Variants in GRIK3 observed in about 807,000 individuals in gnomAD.
GRIK3 encodes the protein glutamate ionotropic receptor kainate type subunit 3, also known as glutamate receptor ionotropic, kainate 3.
GRIK3 carries 29 observed loss-of-function variants against 102.5 expected under a neutral mutation model. The observed-to-expected ratio is 0.28, with a 90% CI of 0.21 to 0.39. The LOEUF (loss-of-function observed/expected upper bound fraction) is 0.39, where lower values mean the gene tolerates loss of function less well. Ranked by LOEUF, GRIK3 falls within the 10% of genes least tolerant of loss-of-function variation. GRIK3 has a pLI of 1.00. For synonymous variants in GRIK3, 511 were observed against 504.9 expected (o/e 1.01, Z -0.16); for missense variants, 908 against 1,252.4 (o/e 0.73, Z 4.15).
chr1:36,881,993 A>T (rs1640984985), intron 2 of GRIK3, among the ~76,000 whole-genome samples: 1 of 140,534 alleles, frequency 7.1e-6, no homozygotes, highest in Non-Finnish European at 1.5e-5. Flanking sequence ...GAGCCTCAAG[A>T]CTCCCTCCCC....
chr1:36,851,919 A>G (rs1015035527), intron 8 of GRIK3, among the ~76,000 whole-genome samples: 1 of 152,200 alleles, frequency 6.6e-6, no homozygotes, highest in African/African-American at 2.4e-5. Flanking sequence ...TGTGCCACCT[A>G]ATTGCCCTCC....
chr1:36,967,861 C>T (rs560688930), intron 1 of GRIK3, among the ~76,000 whole-genome samples: 93 of 152,270 alleles, frequency 6.1e-4, no homozygotes, highest in African/African-American at 1.9e-3. Context: ...AACAGATCTA[C>T]GATAAATAGT....
intron 2 of GRIK3, among the ~76,000 whole-genome samples, chr1:36,884,413 G>A (rs545786493): frequency 1.3e-4 from 20 of 152,258 alleles, no homozygotes; most frequent in African/African-American, 4.8e-4. Context: ...CTGCCCATTC[G>A]TGCTATTCTT....
intron 1 of GRIK3, among the ~76,000 whole-genome samples, chr1:36,960,054 C>T (rs1641987594): frequency 8.1e-6 from 1 of 123,870 alleles, no homozygotes; most frequent in Non-Finnish European, 1.8e-5. Context: ...CCCTGTGAGC[C>T]TGTGTGCCCT....
intron 1 of GRIK3, among the ~76,000 whole-genome samples, chr1:36,909,922 C>G (rs1380152733): frequency 6.6e-6 from 1 of 152,160 alleles, no homozygotes; most frequent in African/African-American, 2.4e-5. Context: ...TAGAAACATG[C>G]CCAATGGTGG....
At chr1:36,936,002 C>T (rs894985976) in intron 1 of GRIK3, among the ~76,000 whole-genome samples, 1 of 152,174 alleles carries the variant, frequency 6.6e-6, no homozygotes, top group African/African-American at 2.4e-5. Context: ...GTCCTAGATA[C>T]TCAAGTCTCA....
intron 1 of GRIK3, among the ~76,000 whole-genome samples, chr1:36,954,294 G>A (rs1403592977): frequency 6.6e-6 from 1 of 152,194 alleles, no homozygotes; most frequent in African/African-American, 2.4e-5. Flanking sequence ...TGGAATGCTG[G>A]CCCATGATTA....
At chr1:36,915,883 G>A (rs1462016662) in intron 1 of GRIK3, among the ~76,000 whole-genome samples, 1 of 152,168 alleles carries the variant, frequency 6.6e-6, no homozygotes, top group Non-Finnish European at 1.5e-5. Context: ...CAGTAAATTG[G>A]TACTGGGAGT....
intron 1 of GRIK3, among the ~76,000 whole-genome samples, chr1:36,972,878 C>T (rs1198812967): frequency 2.0e-5 from 3 of 152,184 alleles, no homozygotes; most frequent in African/African-American, 7.2e-5. Flanking sequence ...GGCAGAACAT[C>T]TGTGTCCAGA....
At chr1:36,951,900 G>A (rs1453710235) in intron 1 of GRIK3, among the ~76,000 whole-genome samples, 1 of 152,188 alleles carries the variant, frequency 6.6e-6, no homozygotes, top group East Asian at 1.9e-4. Flanking sequence ...GTAGAGGGCA[G>A]CTGCCCCATG....
chr1:37,007,250 A>C (rs538473470), intron 1 of GRIK3, among the ~76,000 whole-genome samples: 1 of 152,332 alleles, frequency 6.6e-6, no homozygotes, highest in South Asian at 2.1e-4. Flanking sequence ...CCCATTTTGC[A>C]GGTGAGGAAA....
At chr1:36,960,756 T>C (rs1641998426) in intron 1 of GRIK3, among the ~76,000 whole-genome samples, 1 of 152,162 alleles carries the variant, frequency 6.6e-6, no homozygotes, top group Non-Finnish European at 1.5e-5. Flanking sequence ...AGAACTGCCC[T>C]CTGGGCCTAT....
chr1:36,796,879 C>T lies in GRIK3; in HGVS notation c.*4972G>A, dbSNP rs776780568. On this transcript the variant is annotated 3_prime_UTR_variant, in exon 16 of 16. Coordinates refer to ENST00000373091, the MANE Select transcript of GRIK3 (RefSeq NM_000831.4). ...CCTGCTCTTTCCCAGCCCTTCTGCTCCTGATGAATTGCCCCAGAACTAGAA... is the reference window on the plus strand; with the variant it reads ...CCTGCTCTTTCCCAGCCCTTCTGCTTCTGATGAATTGCCCCAGAACTAGAA... 2.0e-5 allele frequency: 3 copies of T among 152,318 alleles called. 1 individual carries two copies. The South Asian group carries it at 6.2e-4, about 32-fold the overall frequency. 9.4% of individuals were successfully genotyped at this position (152,318 alleles called of 1,614,324 possible). A position where few individuals can be genotyped will look rare whatever the true frequency, so the allele number is the denominator to read the frequency against.
Position 36,869,817 on chromosome 1 carries a change from G to A in GRIK3, c.733-16C>T. 1.9e-6 allele frequency: 3 copies of A among 1,605,976 alleles called. No individual in the cohort carries two copies. The stretch of plus-strand genomic sequence containing the variant: ...TGGCCATGGCCTGCAGAAAAGCAGA[G>A]TGTTAGTGATCAGCAGGGAACCCCT... On this transcript the variant is annotated splice_polypyrimidine_tract_variant and intron_variant, in intron 4 of 15. Transcript: ENST00000373091.
At chr1:36,868,194 T>A (rs1640806744) in intron 5 of GRIK3, among the ~76,000 whole-genome samples, 1 of 152,228 alleles carries the variant, frequency 6.6e-6, no homozygotes, top group African/African-American at 2.4e-5. Flanking sequence ...ACCTTCCCAG[T>A]CTTGCTCCTC....
chr1:37,001,226 T>C (rs16823750), intron 1 of GRIK3, among the ~76,000 whole-genome samples: 5,536 of 152,298 alleles, frequency 0.036, 338 homozygotes, highest in African/African-American at 0.13. Context: ...CTTTTCATTG[T>C]CACAAAGCAG....
intron 1 of GRIK3, among the ~76,000 whole-genome samples, chr1:36,976,597 A>G (rs562725028): frequency 6.6e-6 from 1 of 152,204 alleles, no homozygotes; most frequent in South Asian, 2.1e-4. Context: ...GCCCAGATTG[A>G]GGATTGGGAC....
At chr1:36,860,191 C>G (rs907436099) in intron 5 of GRIK3, among the ~76,000 whole-genome samples, 174 bp from the exon 6 acceptor site, 1 of 152,214 alleles carries the variant, frequency 6.6e-6, no homozygotes, top group African/African-American at 2.4e-5. Context: ...ACCCATAGGA[C>G]CACTGCACCT....
Position 36,941,826 on chromosome 1 carries a change from A to C in GRIK3, c.116-50730T>G, listed in dbSNP as rs545949773. Among the ~76,000 whole-genome samples, 322 of 149,104 alleles carry C rather than the reference A, an allele frequency of 2.2e-3. 3 individuals are homozygous for C. Among genetic ancestry groups the C allele is most frequent in the African/African-American group, 7.9e-3 (304 of 38,484 alleles). On this transcript the variant is annotated intron_variant, in intron 1 of 15. Transcript: ENST00000373091. ...GATCATGCAGCTTTTAAAGGGGAGC[A>C]GAATTATGACCTAATCTTCATTCCA...
Sources: gnomAD v4.1 joint callset for allele counts (sites outside exome capture counted in the v4.1 genomes callset) on GRCh38, gnomAD v4.1.1 for gene constraint, MANE v1.5 for transcripts, NCBI Gene and HGNC (gene_info 2026-07-23, HGNC 2026-07-21) for gene names.